The following PAK2 variants were observed in gnomAD, a reference collection of about 807,000 sequenced individuals.
PAK2 encodes the protein serine/threonine-protein kinase PAK 2.
PAK2 carries 21 observed loss-of-function variants against 65.9 expected under a neutral mutation model. The ratio of observed to expected loss-of-function variants is 0.32; its 90% CI spans 0.23 to 0.46. The LOEUF is 0.46. Ranked by LOEUF, PAK2 falls within the 20% of genes least tolerant of loss-of-function variation. The pLI, the probability that PAK2 is intolerant of heterozygous loss-of-function variation, is 1.00. For missense variants in PAK2, 324 were observed against 642.6 expected (o/e 0.50, Z 5.36); for synonymous variants, 204 against 219.7 (o/e 0.93, Z 0.63).
intron 13 of PAK2, among the ~76,000 whole-genome samples, chr3:196,825,622 C>A (rs1436798110): frequency 6.6e-6 from 1 of 151,238 alleles, no homozygotes; most frequent in Non-Finnish European, 1.5e-5. Flanking sequence ...CAGCCTGGGC[C>A]ACAGAGCCAG....
intron 1 of PAK2, among the ~76,000 whole-genome samples, chr3:196,774,747 A>C (rs1454997521): frequency 1.3e-5 from 2 of 152,200 alleles, no homozygotes; most frequent in Non-Finnish European, 2.9e-5. Context: ...GTAGCCAGGG[A>C]GAGTCATAGC....
chr3:196,754,842 G>C (rs1308598974), intron 1 of PAK2, among the ~76,000 whole-genome samples: 3 of 152,144 alleles, frequency 2.0e-5, no homozygotes, highest in African/African-American at 7.2e-5. Flanking sequence ...AGGAACTGTG[G>C]CTGCCACAAA....
At chr3:196,762,673 G>T (rs773857042) in intron 1 of PAK2, among the ~76,000 whole-genome samples, 1 of 151,610 alleles carries the variant, frequency 6.6e-6, no homozygotes, top group Non-Finnish European at 1.5e-5. Flanking sequence ...GAGGGAGACC[G>T]TGGGGAGAGG....
chr3:196,794,690 C>T (rs1715191458), intron 2 of PAK2, among the ~76,000 whole-genome samples: 2 of 152,148 alleles, frequency 1.3e-5, no homozygotes, highest in Admixed American at 6.5e-5. Flanking sequence ...CCTTGGAAAC[C>T]CTGCTGTATA....
chr3:196,817,964 AC>A, intron 11 of PAK2, 92 bp from the exon 12 acceptor site: 1 of 546,852 alleles, frequency 1.8e-6, no homozygotes. Flanking sequence ...TCTGCTGGGC[AC>A]TGGAAGCAAT....
rs538139893 is a variant in PAK2 at position 196,755,787 on chromosome 3, C to T, written c.-22+15630C>T. Among the ~76,000 whole-genome samples the T allele has an allele frequency of 1.3e-4, 19 of 151,018 alleles. No individual in the cohort carries two copies. The East Asian group carries it at 1.6e-3, about 12-fold the overall frequency. ...TCTTTTTTTTTTTGAGACGGAGTCT[C>T]GCTTTGTTGCCAGCCTGGAGTACAG... is the stretch of plus-strand genomic sequence containing the variant. On this transcript the variant is annotated intron_variant, in intron 1 of 14. Coordinates refer to ENST00000327134, the MANE Select transcript of PAK2 (RefSeq NM_002577.4).
At chr3:196,774,154 G>A (rs1714463613) in intron 1 of PAK2, among the ~76,000 whole-genome samples, 1 of 152,220 alleles carries the variant, frequency 6.6e-6, no homozygotes, top group Admixed American at 6.5e-5. Flanking sequence ...AGGAAAAGCA[G>A]ATAAAATAAC....
At chr3:196,744,332 G>GT (rs1217178261) in intron 1 of PAK2, among the ~76,000 whole-genome samples, 1 of 152,198 alleles carries the variant, frequency 6.6e-6, no homozygotes, top group African/African-American at 2.4e-5. Flanking sequence ...TGGAACAGTG[G>GT]TTTTGTTCCT....
chr3:196,805,177 C>A lies in PAK2; in HGVS notation c.437-175C>A, dbSNP rs73891515. Among the ~76,000 whole-genome samples the A allele has an allele frequency of 3.1e-3, 472 of 151,892 alleles. 2 individuals carry two copies. Among genetic ancestry groups the A allele is most frequent in the African/African-American group, 0.011 (450 of 41,456 alleles). Reference sequence around the variant, plus strand: ...TTTCATGTAGATTTCAGATTTCTTACCTTGGTCTTATATAAATTCTTATTT... The same window carrying A: ...TTTCATGTAGATTTCAGATTTCTTAACTTGGTCTTATATAAATTCTTATTT... On this transcript the variant is annotated intron_variant, in intron 4 of 14. Coordinates refer to ENST00000327134, the MANE Select transcript of PAK2 (RefSeq NM_002577.4).
chr3:196,780,247 T>C (rs1714663229), intron 1 of PAK2, among the ~76,000 whole-genome samples: 1 of 152,168 alleles, frequency 6.6e-6, no homozygotes, highest in South Asian at 2.1e-4. Context: ...TCCCAGCCCT[T>C]CTCTAGCTAG....
At chr3:196,804,826 C>T (rs9880966) in intron 4 of PAK2, among the ~76,000 whole-genome samples, 288 of 11,764 alleles carry the variant, frequency 0.024, 1 homozygote, top group African/African-American at 0.076. Context: ...TATATATATA[C>T]ACATATATAT....
chr3:196,814,103 A>G (rs932623203), intron 10 of PAK2, among the ~76,000 whole-genome samples: 2 of 152,270 alleles, frequency 1.3e-5, no homozygotes, highest in African/African-American at 4.8e-5. Flanking sequence ...TCCTATTAAT[A>G]GCTGTGTGCC....
intron 8 of PAK2, among the ~76,000 whole-genome samples, chr3:196,811,250 C>T (rs375032401): frequency 0.24 from 529 of 2,204 alleles, 30 homozygotes; most frequent in East Asian, 0.88. Flanking sequence ...TTCCCTCCCT[C>T]CCCTCCCTCC....
intron 1 of PAK2, among the ~76,000 whole-genome samples, chr3:196,751,958 G>T (rs929133358): frequency 1.3e-5 from 2 of 151,566 alleles, no homozygotes; most frequent in Non-Finnish European, 2.9e-5. Flanking sequence ...GGCCAGGCTG[G>T]TCTTGAACTC....
chr3:196,828,449 G>T lies in PAK2; in HGVS notation c.*44G>T, dbSNP rs1711956237. 1 of 1,154,646 alleles carries T rather than the reference G, an allele frequency of 8.7e-7. No individual in the cohort carries two copies. The highest frequency in any genetic ancestry group is 1.3e-6 in the Non-Finnish European group (1 of 770,146). 71.5% of individuals were successfully genotyped at this position (1,154,646 alleles called of 1,614,324 possible). Reference sequence around the variant, plus strand: ...ATACTCTTTTTTCCATTTTCTACAAGAAGCCTTTTAGTATATGAAAATTAT... The same window carrying T: ...ATACTCTTTTTTCCATTTTCTACAATAAGCCTTTTAGTATATGAAAATTAT... On this transcript the variant is annotated 3_prime_UTR_variant, in exon 15 of 15. Coordinates refer to ENST00000327134, the MANE Select transcript of PAK2 (RefSeq NM_002577.4).
chr3:196,799,395 T>G (rs1715351690), intron 2 of PAK2, among the ~76,000 whole-genome samples: 1 of 152,208 alleles, frequency 6.6e-6, no homozygotes, highest in Non-Finnish European at 1.5e-5. Flanking sequence ...AGAGTTCATG[T>G]GTTAGAAACT....
chr3:196,765,143 CTT>C (rs58406576), intron 1 of PAK2, among the ~76,000 whole-genome samples: 46,900 of 98,500 alleles, frequency 0.48, 9,285 homozygotes, highest in Non-Finnish European at 0.52. Flanking sequence ...CGTGCCCGGC[CTT>C]TTTTTTTTTT....
At chr3:196,759,489 G>GTTTTTTTTGTTTTT (rs1713877993) in intron 1 of PAK2, among the ~76,000 whole-genome samples, 1 of 98,878 alleles carries the variant, frequency 1.0e-5, no homozygotes, top group Non-Finnish European at 1.9e-5. Flanking sequence ...CAGTTAAGTG[G>GTTTTTTTTGTTTTT]TTTTTTTTGT....
At chr3:196,745,270 C>T (rs548195804) in intron 1 of PAK2, among the ~76,000 whole-genome samples, 25 of 147,738 alleles carry the variant, frequency 1.7e-4, no homozygotes, top group African/African-American at 6.0e-4. Context: ...ACCATACCAT[C>T]GCACCCAACT....
Sources: gnomAD v4.1 joint callset for allele counts (sites outside exome capture counted in the v4.1 genomes callset) on GRCh38, gnomAD v4.1.1 for gene constraint, MANE v1.5 for transcripts, NCBI Gene and HGNC (gene_info 2026-07-23, HGNC 2026-07-21) for gene names.